The following CFAP299 variants were observed in gnomAD, a reference collection of about 807,000 sequenced individuals.
CFAP299 encodes cilia and flagella associated protein 299.
In CFAP299, 21 loss-of-function variants were observed where a neutral mutation model predicts 27.0. That is an observed-to-expected ratio of 0.78 (90% CI 0.55 to 1.12). The LOEUF is 1.12. Among genes scored for constraint, CFAP299 ranks in the 50% most tolerant of loss-of-function variants. The probability of loss-of-function intolerance (pLI) is 0.00; values close to 1 mark genes in which losing one functional copy is unlikely to be tolerated. For synonymous variants in CFAP299, 104 were observed against 98.1 expected, an observed-to-expected ratio of 1.06 and a Z score of -0.36; for missense variants, 310 against 276.6, an observed-to-expected ratio of 1.12 and a Z score of -0.86.
At chr4:80,663,059 C>T (rs7666353) in intron 3 of CFAP299, among the ~76,000 whole-genome samples, 107,490 of 151,538 alleles carry the variant, frequency 0.71, 41,175 homozygotes, top group Non-Finnish European at 0.85. Flanking sequence ...CCTTATTTTA[C>T]GATTTATTTT....
chr4:80,634,032 T>C (rs1409857129), intron 3 of CFAP299, among the ~76,000 whole-genome samples: 4 of 148,050 alleles, frequency 2.7e-5, no homozygotes, highest in African/African-American at 1.0e-4. Context: ...TCGCCCAGGC[T>C]GTAGTGAGTG....
intron 3 of CFAP299, among the ~76,000 whole-genome samples, chr4:80,664,047 T>G (rs369937797): frequency 1.2e-4 from 19 of 152,298 alleles, no homozygotes; most frequent in Admixed American, 6.5e-4. Flanking sequence ...CTTTGTCAGA[T>G]GAATAGATTG....
At chr4:80,837,989 T>G (rs1730659739) in intron 3 of CFAP299, among the ~76,000 whole-genome samples, 1 of 152,202 alleles carries the variant, frequency 6.6e-6, no homozygotes, top group African/African-American at 2.4e-5. Flanking sequence ...GGTATCTCAT[T>G]GTGGTTTTAA....
intron 2 of CFAP299, among the ~76,000 whole-genome samples, chr4:80,382,529 A>G (rs1472631848): frequency 1.3e-5 from 2 of 152,236 alleles, no homozygotes; most frequent in Non-Finnish European, 2.9e-5. Flanking sequence ...GGCAAAGGAC[A>G]TGAACAGACA....
chr4:80,865,329 T>C (rs998759045), intron 3 of CFAP299, among the ~76,000 whole-genome samples: 1 of 152,188 alleles, frequency 6.6e-6, no homozygotes, highest in African/African-American at 2.4e-5. Flanking sequence ...TAACTGAGAC[T>C]GTTAGTTTAA....
At chr4:80,549,310 G>A (rs1258580578) in intron 2 of CFAP299, among the ~76,000 whole-genome samples, 1 of 152,044 alleles carries the variant, frequency 6.6e-6, no homozygotes, top group Admixed American at 6.6e-5. Context: ...TAGAACAGTG[G>A]GAGAAATGAT....
chr4:80,554,354 G>A (rs2110213168), intron 2 of CFAP299, among the ~76,000 whole-genome samples: 1 of 152,052 alleles, frequency 6.6e-6, no homozygotes, highest in East Asian at 1.9e-4. Context: ...TTATGTGCCT[G>A]TTTTTTCTAC....
chr4:80,915,840 C>T (rs1356363400), intron 4 of CFAP299, among the ~76,000 whole-genome samples: 1 of 151,964 alleles, frequency 6.6e-6, no homozygotes, highest in East Asian at 1.9e-4. Context: ...GTTATTTTCA[C>T]GTCTTCCATA....
intron 2 of CFAP299, among the ~76,000 whole-genome samples, chr4:80,548,132 C>T (rs374327777): frequency 2.0e-5 from 3 of 152,258 alleles, no homozygotes; most frequent in South Asian, 4.1e-4. Flanking sequence ...ACCAAGACGC[C>T]TATCAATGGT....
intron 1 of CFAP299, among the ~76,000 whole-genome samples, chr4:80,361,832 T>A (rs1723562483): frequency 1.3e-5 from 2 of 152,184 alleles, no homozygotes; most frequent in African/African-American, 4.8e-5. Flanking sequence ...TGTTAGACAG[T>A]TCTTGCATTC....
intron 3 of CFAP299, among the ~76,000 whole-genome samples, chr4:80,594,799 T>C (rs1241804102): frequency 2.0e-5 from 3 of 152,190 alleles, no homozygotes; most frequent in Non-Finnish European, 1.5e-5. Flanking sequence ...TTCTCAAATA[T>C]CTAGTGATTC....
At chr4:80,654,781 TA>T (rs1560679915) in intron 3 of CFAP299, among the ~76,000 whole-genome samples, 1 of 145,606 alleles carries the variant, frequency 6.9e-6, no homozygotes, top group Non-Finnish European at 1.5e-5. Context: ...AGCTAATTTT[TA>T]ACTTTTTTTT....
chr4:80,774,403 CT>C (rs2110086052), intron 3 of CFAP299, among the ~76,000 whole-genome samples: 1 of 151,956 alleles, frequency 6.6e-6, no homozygotes, highest in Non-Finnish European at 1.5e-5. Context: ...TTCAAACTCC[CT>C]CTTCCAGTGG....
At chr4:80,406,960 A>G (rs1020744669) in intron 2 of CFAP299, among the ~76,000 whole-genome samples, 4 of 152,130 alleles carry the variant, frequency 2.6e-5, no homozygotes, top group Non-Finnish European at 5.9e-5. Flanking sequence ...AAATCTGGGC[A>G]ATACCATTTC....
chr4:80,524,431 A>T (rs748524534), intron 2 of CFAP299, among the ~76,000 whole-genome samples: 13 of 151,710 alleles, frequency 8.6e-5, no homozygotes, highest in Non-Finnish European at 1.6e-4. Flanking sequence ...AGAATCCTTG[A>T]TTTCTCCCTA....
chr4:80,676,194 A>G (rs78817083), intron 3 of CFAP299, among the ~76,000 whole-genome samples: 1,620 of 152,224 alleles, frequency 0.011, 22 homozygotes, highest in African/African-American at 0.037. Flanking sequence ...TGGGATTTTT[A>G]TAGCATCTAA....
chr4:80,387,845 CT>C, intron 2 of CFAP299: 1 of 1,392,206 alleles, frequency 7.2e-7, no homozygotes, highest in Non-Finnish European at 1.0e-6. Context: ...CCCCTGGTAC[CT>C]TTAGCCCGTG....
At chr4:80,325,830 C>T in the CFAP299 span, among the ~76,000 whole-genome samples, 4 of 152,166 alleles carry the variant, frequency 2.6e-5, no homozygotes, top group Non-Finnish European at 4.4e-5. Flanking sequence ...AGTATCTTCT[C>T]ATACTGTGTT....
At chr4:80,386,295 A>G in intron 2 of CFAP299, 1 of 1,255,084 alleles carries the variant, frequency 8.0e-7, no homozygotes. Flanking sequence ...TCCAGGTACC[A>G]CCAGCTCAGA....
Sources: allele counts gnomAD v4.1 joint callset (sites outside exome capture counted in the v4.1 genomes callset), GRCh38; gene constraint gnomAD v4.1.1; transcripts MANE v1.5; gene names NCBI Gene and HGNC (gene_info 2026-07-23, HGNC 2026-07-21).